The following SYNE1 variants were observed in gnomAD, a reference collection of about 807,000 sequenced individuals.
SYNE1 encodes the protein nesprin-1.
Under a neutral mutation model 1,111.0 loss-of-function variants are expected in SYNE1, and 616 were observed. That is an observed-to-expected ratio of 0.55 (90% CI 0.52 to 0.59). The LOEUF (loss-of-function observed/expected upper bound fraction) is 0.59. SYNE1 is among the 20% of genes least tolerant of loss of function. SYNE1 has a pLI of 0.00. For synonymous variants in SYNE1, 3,855 were observed against 3,825.8 expected (o/e 1.01, Z -0.28); for missense variants, 10,006 against 10,417.0 (o/e 0.96, Z 1.72).
chr6:152,216,713 A>C (rs1474302757), intron 121 of SYNE1, among the ~76,000 whole-genome samples: 1 of 152,110 alleles, frequency 6.6e-6, no homozygotes, highest in Non-Finnish European at 1.5e-5. Context: ...ATACAATAAA[A>C]TTTTCATGCC....
intron 137 of SYNE1, chr6:152,145,598 A>G: frequency 5.2e-6 from 8 of 1,549,356 alleles, no homozygotes; most frequent in Non-Finnish European, 7.1e-6. Context: ...AAGTTCTGGA[A>G]ACCCTGAATC....
At position 152,122,102 on chromosome 6, in the gene SYNE1, C is replaced by T. The variant is rs778649215; in HGVS notation, c.*334G>A. 1 of 380,650 alleles carries T rather than the reference C, an allele frequency of 2.6e-6. No homozygotes were observed. Among genetic ancestry groups the T allele is most frequent in the Non-Finnish European group, 5.0e-6 (1 of 199,014 alleles). The allele number at this position is 380,650 out of a possible 1,614,324, so 23.6% of individuals were successfully genotyped here. ...ATGGGAAAGCTGCCCAGATGGTCTA[C>T]TGAAGTCCTTGGCTGTGCACAGAAT... On this transcript the variant is annotated 3_prime_UTR_variant, in exon 146 of 146. Coordinates refer to ENST00000367255, the MANE Select transcript of SYNE1 (RefSeq NM_182961.4).
chr6:152,310,418 TTGAGAC>T lies in SYNE1; in HGVS notation c.16991_16996del (p.Ser5664_Leu5665del). ...TACCTGCCGATGAGAGAGCTGCTCCTTGAGACTGAGACGTCCAACTTCTGGAGAAGT... is the reference window on the plus strand; with the variant it reads ...TACCTGCCGATGAGAGAGCTGCTCCTTGAGACGTCCAACTTCTGGAGAAGT... On this transcript the variant is annotated inframe_deletion, in exon 89 of 146. Coordinates refer to ENST00000367255, the MANE Select transcript of SYNE1 (RefSeq NM_182961.4). 1 of 1,614,198 alleles carries T rather than the reference TTGAGAC, an allele frequency of 6.2e-7. No homozygotes were observed. The highest frequency in any genetic ancestry group is 8.5e-7 in the Non-Finnish European group (1 of 1,180,028).
At chr6:152,602,577 G>A (rs2099598714) in intron 3 of SYNE1, among the ~76,000 whole-genome samples, 1 of 152,206 alleles carries the variant, frequency 6.6e-6, no homozygotes. Flanking sequence ...TGAAGGTGAT[G>A]TTAATTAGTA....
At chr6:152,509,887 G>T (rs2099076235) in intron 8 of SYNE1, among the ~76,000 whole-genome samples, 2 of 152,166 alleles carry the variant, frequency 1.3e-5, no homozygotes. Flanking sequence ...AATAGGAGCA[G>T]AAACTCTAAA....
intron 11 of SYNE1, among the ~76,000 whole-genome samples, chr6:152,490,731 G>A (rs1029485854): frequency 5.9e-5 from 9 of 152,058 alleles, no homozygotes; most frequent in African/African-American, 1.2e-4. Context: ...CTCTTCACAC[G>A]GACACACGTG....
At chr6:152,396,181 T>C (rs1299174063) in intron 50 of SYNE1, among the ~76,000 whole-genome samples, 1 of 152,230 alleles carries the variant, frequency 6.6e-6, no homozygotes, top group Non-Finnish European at 1.5e-5. Context: ...TCTGTGTCTT[T>C]GTTTCTTAAG....
At chr6:152,205,591 G>C (rs1368657305) in intron 126 of SYNE1, among the ~76,000 whole-genome samples, 1 of 152,210 alleles carries the variant, frequency 6.6e-6, no homozygotes, top group African/African-American at 2.4e-5. Context: ...CAATTGAAGA[G>C]TGAGAGAGAA....
intron 145 of SYNE1, among the ~76,000 whole-genome samples, chr6:152,124,139 A>G (rs1349549204): frequency 6.6e-6 from 1 of 152,142 alleles, no homozygotes. Flanking sequence ...CCTGGCCAAC[A>G]TGGTAAAAAT....
chr6:152,462,947 A>C, intron 19 of SYNE1, 57 bp from the exon 20 acceptor site: 17 of 1,592,246 alleles, frequency 1.1e-5, no homozygotes, highest in Non-Finnish European at 1.5e-5. Context: ...CGACCACTGG[A>C]ACCACAACTT....
At chr6:152,285,834 G>T (rs575024868) in intron 95 of SYNE1, among the ~76,000 whole-genome samples, 1 of 151,992 alleles carries the variant, frequency 6.6e-6, no homozygotes, top group South Asian at 2.1e-4. Context: ...CTCTTTTTTG[G>T]AGTATTTTAT....
Position 152,455,980 on chromosome 6 carries a change from C to T in SYNE1, c.2633G>A (p.Ser878Asn). The T allele has an allele frequency of 6.2e-7, 1 of 1,614,118 alleles. No individual in the cohort carries two copies. Residue 878 changes from serine (S) to asparagine (N), a missense_variant, in exon 23 of 146, where the codon AGT becomes AAT. Ser to Asn is a conservative substitution (Grantham distance 46, BLOSUM62 1). This residue lies in a region of SYNE1 where 1,971 missense variants were observed against 2,084.1 expected (regional missense o/e 0.95). Transcript: ENST00000367255. Reference sequence around the variant, plus strand: ...GCTCAAGGTCACAAACTTTTGAACACTTTGACTGCCTTTCTCAATAAGTGT... The same window carrying T: ...GCTCAAGGTCACAAACTTTTGAACATTTTGACTGCCTTTCTCAATAAGTGT... ...TLTLIEKGSQ[S>N]VQKFVTLSNV... is the part of the protein sequence containing the mutation.
rs146547806 is a variant in SYNE1 at position 152,350,240 on chromosome 6, G to A, written c.11829C>T (p.Gly3943=). ...CCAGGAGGTCAGGTGCCACCAGTCT[G>A]CCAGACATCTGCAGCAGCCACTTTT... ...EVEKWLLQMS[G]RLVAPDLLET... Residue 3943 remains glycine (G), a synonymous_variant, in exon 72 of 146, where the codon GGC becomes GGT. Coordinates refer to ENST00000367255, the MANE Select transcript of SYNE1 (RefSeq NM_182961.4). 2.5e-6 allele frequency: 4 copies of A among 1,614,124 alleles called. No individual in the cohort carries two copies. The highest frequency in any genetic ancestry group is 2.5e-6 in the Non-Finnish European group (3 of 1,180,030).
In SYNE1 at chr6:152,256,841, G is replaced by A. The variant is rs2090970026; in HGVS notation, c.18973-76C>T. 13 of 1,584,742 alleles carry A rather than the reference G, an allele frequency of 8.2e-6. No individual in the cohort carries two copies. In the East Asian group the frequency reaches 9.1e-5, roughly 11 times the overall value. On this transcript the variant is annotated intron_variant, in intron 101 of 145. Coordinates refer to ENST00000367255, the MANE Select transcript of SYNE1 (RefSeq NM_182961.4). The stretch of plus-strand genomic sequence containing the variant: ...GTATTCTCATTTGGAAATGCATACT[G>A]AAATAGATGCTGAAAACACTGTCCA...
chr6:152,337,643 T>C (rs569292215), intron 75 of SYNE1, among the ~76,000 whole-genome samples: 1 of 152,236 alleles, frequency 6.6e-6, no homozygotes, highest in South Asian at 2.1e-4. Context: ...TGATGGTTTT[T>C]CCCATTGGGC....
chr6:152,310,637 T>C (rs1446748056), intron 88 of SYNE1, 51 bp downstream of exon 88: 2 of 1,609,740 alleles, frequency 1.2e-6, no homozygotes, highest in Middle Eastern at 1.7e-4. Flanking sequence ...ATTGCCATTT[T>C]CTTTCAATGA....
intron 96 of SYNE1, among the ~76,000 whole-genome samples, chr6:152,282,993 G>T (rs954846799): frequency 3.9e-5 from 6 of 152,118 alleles, no homozygotes; most frequent in Non-Finnish European, 1.5e-5. Flanking sequence ...AATGTATTGA[G>T]AACCCATTAT....
rs185683663 is a variant in SYNE1 at position 152,518,556 on chromosome 6, G to C, written c.309+1903C>G. On this transcript the variant is annotated intron_variant, in intron 6 of 145. Transcript: ENST00000367255. ...AACTGATGCCAGAGCTATGCTTCCTGAGCAGCCTGCAGAACCATGAGCCAA... is the reference window on the plus strand; with the variant it reads ...AACTGATGCCAGAGCTATGCTTCCTCAGCAGCCTGCAGAACCATGAGCCAA... 1.4e-3 allele frequency among the ~76,000 whole-genome samples: 207 copies of C among 152,124 alleles called. 2 individuals carry two copies. The highest frequency in any genetic ancestry group is 3.5e-4 in the Non-Finnish European group (24 of 68,022).
At chr6:152,623,119 C>T (rs1248195779) in intron 3 of SYNE1, among the ~76,000 whole-genome samples, 1 of 150,840 alleles carries the variant, frequency 6.6e-6, no homozygotes, top group Non-Finnish European at 1.5e-5. Context: ...GCTACAGTAA[C>T]CAAAACAGCA....
Sources: gnomAD v4.1 joint callset for allele counts (sites outside exome capture counted in the v4.1 genomes callset) on GRCh38, gnomAD v4.1.1 for gene constraint, gnomAD v4.1.1 regional missense constraint, MANE v1.5 for transcripts, NCBI Gene and HGNC (gene_info 2026-07-23, HGNC 2026-07-21) for gene names.